FMNL2: variants seen among roughly 807,000 people sequenced by gnomAD.
The protein encoded by FMNL2 is formin like 2.
A neutral mutation model predicts 130.2 loss-of-function variants in FMNL2; 51 were observed. The ratio of observed to expected loss-of-function variants is 0.39; its 90% CI spans 0.31 to 0.49. The LOEUF is 0.49. Among genes scored for constraint, FMNL2 ranks in the 20% least tolerant of loss-of-function variants. The pLI, the probability that FMNL2 is intolerant of heterozygous loss-of-function variation, is 0.85. For missense variants in FMNL2, 977 were observed against 1,316.2 expected, an observed-to-expected ratio of 0.74 and a Z score of 3.99; for synonymous variants, 465 against 467.1, an observed-to-expected ratio of 1.00 and a Z score of 0.06.
At chr2:152,397,815 C>T (rs917070484) in intron 1 of FMNL2, among the ~76,000 whole-genome samples, 1 of 152,128 alleles carries the variant, frequency 6.6e-6, no homozygotes, top group African/African-American at 2.4e-5. Flanking sequence ...CCAGCGTTGT[C>T]ACTGGTTTAA....
chr2:152,530,556 G>A (rs534379710), intron 2 of FMNL2, among the ~76,000 whole-genome samples: 6 of 152,142 alleles, frequency 3.9e-5, no homozygotes, highest in South Asian at 4.1e-4. Context: ...CTTGTGAAGC[G>A]TGATGTGCTA....
At chr2:152,412,449 T>TATATACAGATATATATA (rs1440093691) in intron 1 of FMNL2, among the ~76,000 whole-genome samples, 8 of 10,342 alleles carry the variant, frequency 7.7e-4, no homozygotes, top group South Asian at 4.7e-3. Flanking sequence ...GTATATTTTA[T>TATATACAGATATATATA]ATATATATAT....
At chr2:152,403,808 G>A (rs1445335589) in intron 1 of FMNL2, among the ~76,000 whole-genome samples, 1 of 152,186 alleles carries the variant, frequency 6.6e-6, no homozygotes, top group Admixed American at 6.5e-5. Flanking sequence ...AGTGGCTCAC[G>A]CCTGTAATCC....
intron 1 of FMNL2, among the ~76,000 whole-genome samples, chr2:152,450,771 C>T (rs2105065315): frequency 2.0e-5 from 3 of 152,316 alleles, no homozygotes; most frequent in Middle Eastern, 6.8e-3. Flanking sequence ...TGTCTCCTGC[C>T]CAAGCTCTCA....
At chr2:152,457,901 G>T (rs1332663613) in intron 1 of FMNL2, among the ~76,000 whole-genome samples, 1 of 151,980 alleles carries the variant, frequency 6.6e-6, no homozygotes, top group Non-Finnish European at 1.5e-5. Flanking sequence ...ATAATGTCAG[G>T]GCAAGACCTT....
At chr2:152,403,807 C>A (rs760634331) in intron 1 of FMNL2, among the ~76,000 whole-genome samples, 1 of 152,198 alleles carries the variant, frequency 6.6e-6, no homozygotes. Context: ...CAGTGGCTCA[C>A]GCCTGTAATC....
chr2:152,582,829 T>C (rs1696868332), intron 9 of FMNL2, among the ~76,000 whole-genome samples: 2 of 152,210 alleles, frequency 1.3e-5, no homozygotes. Context: ...ATTGGAAACA[T>C]TTACTATATA....
intron 9 of FMNL2, among the ~76,000 whole-genome samples, chr2:152,599,323 A>T (rs1697924442): frequency 1.4e-5 from 2 of 145,262 alleles, no homozygotes; most frequent in Admixed American, 6.9e-5. Context: ...TTCAGGCTGG[A>T]CTTGAAGCAT....
At chr2:152,454,910 T>C (rs934427971) in intron 1 of FMNL2, among the ~76,000 whole-genome samples, 3 of 152,164 alleles carry the variant, frequency 2.0e-5, no homozygotes, top group Non-Finnish European at 4.4e-5. Flanking sequence ...GAGCTCCAGA[T>C]ACTGAGGGGA....
At chr2:152,513,892 C>A (rs1291036313) in intron 1 of FMNL2, among the ~76,000 whole-genome samples, 1 of 152,110 alleles carries the variant, frequency 6.6e-6, no homozygotes, top group Admixed American at 6.6e-5. Flanking sequence ...CTTTGGGGAA[C>A]TATTTGGCTG....
In FMNL2 at chr2:152,628,134, T is replaced by G. The variant is rs181262774; in HGVS notation, c.2166-165T>G. ...GCATAGTCAAGAACCAGCACCAGGG[T>G]GGGACTTCACAGGACAGCTGGAGAA... On this transcript the variant is annotated intron_variant, in intron 17 of 25. Transcript: ENST00000288670. Among the ~76,000 whole-genome samples the G allele has an allele frequency of 1.3e-3, 205 of 152,260 alleles. 2 individuals are homozygous for G. The highest frequency in any genetic ancestry group is 6.8e-3 in the Middle Eastern group (2 of 294).
intron 1 of FMNL2, among the ~76,000 whole-genome samples, chr2:152,411,212 G>C (rs1686272920): frequency 6.6e-6 from 1 of 152,160 alleles, no homozygotes; most frequent in East Asian, 1.9e-4. Context: ...TTTTTGATAA[G>C]AGTTGAAGAG....
At chr2:152,564,216 A>G (rs1286420379) in intron 6 of FMNL2, among the ~76,000 whole-genome samples, 1 of 151,904 alleles carries the variant, frequency 6.6e-6, no homozygotes, top group Non-Finnish European at 1.5e-5. Context: ...AAAATGATTT[A>G]TTCTGGTAGC....
intron 1 of FMNL2, among the ~76,000 whole-genome samples, chr2:152,404,487 A>G (rs1024967592): frequency 5.9e-5 from 9 of 152,170 alleles, no homozygotes; most frequent in Non-Finnish European, 1.2e-4. Flanking sequence ...GAGCCCTCAG[A>G]ATTACTCGTA....
chr2:152,531,828 TCATGTTATTAGCA>T (rs1418759050), intron 2 of FMNL2, among the ~76,000 whole-genome samples: 1 of 152,212 alleles, frequency 6.6e-6, no homozygotes, highest in Non-Finnish European at 1.5e-5. Context: ...ATGTAGGTCT[TCATGTTATTAGCA>T]CATGTTGCTT....
At chr2:152,572,053 G>GTTC (rs1252250791) in intron 6 of FMNL2, among the ~76,000 whole-genome samples, 2 of 152,126 alleles carry the variant, frequency 1.3e-5, no homozygotes, top group Non-Finnish European at 2.9e-5. Flanking sequence ...CAGGTAGTAA[G>GTTC]ATTTTCAAAG....
At chr2:152,588,615 G>C (rs1697217713) in intron 9 of FMNL2, among the ~76,000 whole-genome samples, 1 of 152,106 alleles carries the variant, frequency 6.6e-6, no homozygotes, top group South Asian at 2.1e-4. Flanking sequence ...TGTCACACCA[G>C]ATAAAAAGGA....
chr2:152,483,210 G>A (rs1461385210), intron 1 of FMNL2, among the ~76,000 whole-genome samples: 2 of 152,102 alleles, frequency 1.3e-5, no homozygotes, highest in Admixed American at 6.6e-5. Flanking sequence ...ACATGGTGGA[G>A]TGGCTGAAAA....
intron 1 of FMNL2, among the ~76,000 whole-genome samples, chr2:152,388,965 G>T (rs1019880949): frequency 1.3e-5 from 2 of 152,242 alleles, no homozygotes; most frequent in Admixed American, 1.3e-4. Flanking sequence ...ATTTAAGGTG[G>T]CTAGCAGGAT....
Sources: allele counts gnomAD v4.1 joint callset (sites outside exome capture counted in the v4.1 genomes callset), GRCh38; gene constraint gnomAD v4.1.1; transcripts MANE v1.5; gene names NCBI Gene and HGNC (gene_info 2026-07-23, HGNC 2026-07-21).